Variants in SORCS1 observed in about 807,000 individuals in gnomAD.
The protein encoded by SORCS1 is VPS10 domain-containing receptor SorCS1.
SORCS1 carries 60 observed loss-of-function variants against 146.1 expected under a neutral mutation model. The observed-to-expected ratio is 0.41, with a 90% CI of 0.33 to 0.51. The LOEUF (loss-of-function observed/expected upper bound fraction) is 0.51. SORCS1 is among the 20% of genes least tolerant of loss of function. The pLI, the probability that SORCS1 is intolerant of heterozygous loss-of-function variation, is 0.21. For synonymous variants in SORCS1, 637 were observed against 584.0 expected, an observed-to-expected ratio of 1.09 and a Z score of -1.31; for missense variants, 1,352 against 1,487.6, an observed-to-expected ratio of 0.91 and a Z score of 1.50.
chr10:107,152,521 C>A (rs529265643), intron 1 of SORCS1, among the ~76,000 whole-genome samples: 6 of 152,122 alleles, frequency 3.9e-5, no homozygotes, highest in African/African-American at 1.4e-4. Context: ...TGGGACCTAG[C>A]GGGAGGTAAC....
At chr10:106,958,212 TG>T (rs1564854341) in intron 1 of SORCS1, among the ~76,000 whole-genome samples, 1 of 152,220 alleles carries the variant, frequency 6.6e-6, no homozygotes, top group African/African-American at 2.4e-5. Context: ...AAAAACATTA[TG>T]GGTTTGCTCA....
intron 18 of SORCS1, among the ~76,000 whole-genome samples, chr10:106,636,040 T>C (rs1042390778): frequency 6.6e-6 from 1 of 152,154 alleles, no homozygotes; most frequent in African/African-American, 2.4e-5. Context: ...GAGAAGAGAT[T>C]TCATCAGCCA....
At chr10:106,936,220 T>A (rs934650290) in intron 2 of SORCS1, among the ~76,000 whole-genome samples, 1 of 152,220 alleles carries the variant, frequency 6.6e-6, no homozygotes, top group Non-Finnish European at 1.5e-5. Context: ...GTCTTTTTCC[T>A]TCCTGTTTCC....
chr10:107,109,819 A>G (rs1965566559), intron 1 of SORCS1, among the ~76,000 whole-genome samples: 1 of 152,100 alleles, frequency 6.6e-6, no homozygotes, highest in Non-Finnish European at 1.5e-5. Context: ...ATAACATCCA[A>G]CTTTAAGTCA....
intron 1 of SORCS1, among the ~76,000 whole-genome samples, chr10:107,082,219 G>C (rs577344551): frequency 6.6e-6 from 1 of 152,302 alleles, no homozygotes; most frequent in Admixed American, 6.5e-5. Flanking sequence ...ACAGGGCCTT[G>C]ACTGCCCTCA....
chr10:106,822,815 G>A (rs1310443691), intron 3 of SORCS1, among the ~76,000 whole-genome samples: 2 of 88,306 alleles, frequency 2.3e-5, no homozygotes, highest in African/African-American at 1.2e-4. Flanking sequence ...ATATTGCTCT[G>A]TTGTGCCCAG....
intron 2 of SORCS1, among the ~76,000 whole-genome samples, chr10:106,881,046 C>T (rs1950785221): frequency 1.5e-5 from 2 of 134,502 alleles, no homozygotes; most frequent in Non-Finnish European, 3.1e-5. Flanking sequence ...CACTACACTC[C>T]AGCCTGGGCA....
chr10:106,893,734 A>G (rs568950487), intron 2 of SORCS1, among the ~76,000 whole-genome samples: 1 of 152,186 alleles, frequency 6.6e-6, no homozygotes, highest in Non-Finnish European at 1.5e-5. Context: ...CAAGTGGAAA[A>G]AAATAGGAGA....
chr10:106,763,066 G>A (rs564135278), intron 4 of SORCS1, among the ~76,000 whole-genome samples: 62 of 152,164 alleles, frequency 4.1e-4, no homozygotes, highest in African/African-American at 1.3e-3. Flanking sequence ...ATTGTGGTGT[G>A]CCTATGTCAT....
chr10:106,827,255 G>A (rs908704318), intron 3 of SORCS1, among the ~76,000 whole-genome samples: 1 of 143,206 alleles, frequency 7.0e-6, no homozygotes, highest in Non-Finnish European at 1.5e-5. Context: ...CAGTGAAACA[G>A]AGACTATCAT....
At chr10:106,923,983 C>T (rs914724958) in intron 2 of SORCS1, among the ~76,000 whole-genome samples, 3 of 152,118 alleles carry the variant, frequency 2.0e-5, no homozygotes, top group Non-Finnish European at 4.4e-5. Context: ...TCTGGCTGGG[C>T]GCAGTGGCTC....
chr10:107,041,996 A>G (rs1959168913), intron 1 of SORCS1, among the ~76,000 whole-genome samples: 1 of 152,238 alleles, frequency 6.6e-6, no homozygotes, highest in Non-Finnish European at 1.5e-5. Context: ...AGTCCATAAT[A>G]AAGATTTCAT....
chr10:106,868,833 C>T (rs557305997), intron 2 of SORCS1, among the ~76,000 whole-genome samples: 1 of 152,104 alleles, frequency 6.6e-6, no homozygotes, highest in East Asian at 1.9e-4. Flanking sequence ...CAAGAAATAA[C>T]CAAAATCAGA....
chr10:107,149,749 G>C (rs893413415), intron 1 of SORCS1, among the ~76,000 whole-genome samples: 2 of 152,196 alleles, frequency 1.3e-5, no homozygotes, highest in Admixed American at 1.3e-4. Context: ...AATCTAATCT[G>C]ATATTTTAAA....
intron 1 of SORCS1, among the ~76,000 whole-genome samples, chr10:107,105,214 C>G (rs1341757193): frequency 6.6e-6 from 1 of 152,232 alleles, no homozygotes; most frequent in African/African-American, 2.4e-5. Context: ...AATGAACTGT[C>G]TGGAGGGTCA....
intron 4 of SORCS1, among the ~76,000 whole-genome samples, chr10:106,772,000 T>C (rs977236819): frequency 2.6e-5 from 4 of 152,202 alleles, no homozygotes; most frequent in African/African-American, 9.6e-5. Flanking sequence ...TCTTGGCAAC[T>C]ATGATGGTGG....
chr10:106,632,534 TACTC>T (rs1354029731), intron 18 of SORCS1, among the ~76,000 whole-genome samples: 3 of 152,136 alleles, frequency 2.0e-5, no homozygotes, highest in Non-Finnish European at 2.9e-5. Context: ...TGAGTAGACA[TACTC>T]ACCCTACCGG....
intron 1 of SORCS1, among the ~76,000 whole-genome samples, chr10:106,956,919 T>C (rs1041547625): frequency 1.3e-5 from 2 of 152,174 alleles, no homozygotes; most frequent in African/African-American, 4.8e-5. Flanking sequence ...ACTGAGCAGA[T>C]GCCTGGGAGA....
rs531085256 is a variant in SORCS1 at position 106,691,467 on chromosome 10, G to C, written c.1414-3129C>G. Among the ~76,000 whole-genome samples the C allele has an allele frequency of 1.1e-4, 16 of 152,242 alleles. No individual in the cohort carries two copies. In the East Asian group the frequency reaches 2.9e-3, roughly 28 times the overall value. On this transcript the variant is annotated intron_variant, in intron 9 of 25. Coordinates refer to ENST00000263054, the MANE Select transcript of SORCS1 (RefSeq NM_052918.5). ...CCAGACATCTCAAAAGTAATTAATAGTTATTTCTTATTATTTAATATCATA... is the reference window on the plus strand; with the variant it reads ...CCAGACATCTCAAAAGTAATTAATACTTATTTCTTATTATTTAATATCATA...
Sources: allele counts gnomAD v4.1 joint callset (sites outside exome capture counted in the v4.1 genomes callset), GRCh38; gene constraint gnomAD v4.1.1; transcripts MANE v1.5; gene names NCBI Gene and HGNC (gene_info 2026-07-23, HGNC 2026-07-21).